Variants in PAWR observed in about 807,000 individuals in gnomAD.
PAWR encodes the protein PRKC apoptosis WT1 regulator protein.
PAWR carries 23 observed loss-of-function variants against 32.0 expected under a neutral mutation model. The ratio of observed to expected loss-of-function variants is 0.72; its 90% CI spans 0.52 to 1.02. The LOEUF (loss-of-function observed/expected upper bound fraction) is 1.02, where lower values mean the gene tolerates loss of function less well. Among genes scored for constraint, PAWR ranks in the 50% least tolerant of loss-of-function variants. The pLI is 0.00. For missense variants in PAWR, 457 were observed against 437.7 expected (o/e 1.04, Z -0.39); for synonymous variants, 226 against 187.1 (o/e 1.21, Z -1.70).
rs1875706977 is a variant in PAWR, at chr12:79,632,330, TA to T, written c.517-11124del. On this transcript the variant is annotated intron_variant, in intron 2 of 6. Coordinates refer to ENST00000328827, the MANE Select transcript of PAWR (RefSeq NM_002583.4). The stretch of plus-strand genomic sequence containing the variant: ...ATACATACATATATATATATATATA[TA>T]TATATATATATATATATATATATAT... Among the ~76,000 whole-genome samples, 11 of 46,504 alleles carry T rather than the reference TA, an allele frequency of 2.4e-4. 1 individual carries two copies. Among genetic ancestry groups the T allele is most frequent in the Admixed American group, 1.7e-3 (7 of 4,162 alleles). The allele number at this position is 46,504 out of a possible 152,430, so 30.5% of individuals were successfully genotyped here. A position where few individuals can be genotyped will look rare whatever the true frequency, so the allele number is the denominator to read the frequency against.
chr12:79,592,671 T>A lies in PAWR; in HGVS notation c.959A>T (p.Glu320Val), dbSNP rs1424259739. The A allele has an allele frequency of 1.3e-6, 1 of 765,392 alleles. No individual in the cohort carries two copies. The highest frequency in any genetic ancestry group is 2.4e-6 in the Non-Finnish European group (1 of 414,946). 47.4% of individuals were successfully genotyped at this position (765,392 alleles called of 1,614,324 possible). ...ATTTTCCTGCTTTAGCTGTTCATTTTCATCTTCTATGTCATCTAGGTCCTT... is the reference window on the plus strand; with the variant it reads ...ATTTTCCTGCTTTAGCTGTTCATTTACATCTTCTATGTCATCTAGGTCCTT... ...LNRDLDDIED[E>V]NEQLKQENKT... is the part of the protein sequence containing the mutation. Residue 320 changes from glutamate to valine, a missense_variant, in exon 7 of 7, where the codon GAA (glutamate) becomes GTA (valine). Coordinates refer to ENST00000328827, the MANE Select transcript of PAWR (RefSeq NM_002583.4).
chr12:79,596,322 T>C (rs1402418173), intron 5 of PAWR, among the ~76,000 whole-genome samples, 189 bp downstream of exon 5: 1 of 152,194 alleles, frequency 6.6e-6, no homozygotes, highest in Non-Finnish European at 1.5e-5. Flanking sequence ...GTAGTATATA[T>C]TTGCCAGCTC....
intron 2 of PAWR, among the ~76,000 whole-genome samples, chr12:79,683,734 G>A (rs2136888630): frequency 6.6e-6 from 1 of 151,846 alleles, no homozygotes; most frequent in Non-Finnish European, 1.5e-5. Context: ...AAATTGTTAG[G>A]TTTTTGCAAA....
intron 5 of PAWR, among the ~76,000 whole-genome samples, chr12:79,596,090 T>C (rs966995438): frequency 5.9e-5 from 9 of 152,260 alleles, no homozygotes; most frequent in Non-Finnish European, 1.0e-4. Context: ...TTCAACACCA[T>C]TGCTAATTTT....
At chr12:79,613,980 T>TATATATATATATATATATATATA (rs1874600875) in intron 3 of PAWR, among the ~76,000 whole-genome samples, 1 of 2,986 alleles carries the variant, frequency 3.3e-4, no homozygotes. Flanking sequence ...TATATATATA[T>TATATATATATATATATATATATA]TTTTTTTTTT....
intron 2 of PAWR, among the ~76,000 whole-genome samples, chr12:79,650,436 T>C (rs1387225897): frequency 6.6e-6 from 1 of 152,218 alleles, no homozygotes; most frequent in Non-Finnish European, 1.5e-5. Context: ...ATCTGTATAT[T>C]GCCAAAGGAC....
At chr12:79,644,089 G>A (rs917383005) in intron 2 of PAWR, among the ~76,000 whole-genome samples, 1 of 152,126 alleles carries the variant, frequency 6.6e-6, no homozygotes, top group African/African-American at 2.4e-5. Context: ...CAGTACAAAT[G>A]TGCTTATTAT....
chr12:79,655,410 T>A (rs191346099), intron 2 of PAWR, among the ~76,000 whole-genome samples: 1 of 152,314 alleles, frequency 6.6e-6, no homozygotes, highest in East Asian at 1.9e-4. Flanking sequence ...AGAGAGGACT[T>A]CAAACTAAAA....
chr12:79,690,454 T>A, intron 1 of PAWR, 63 bp from the exon 2 acceptor site: 1 of 1,083,386 alleles, frequency 9.2e-7, no homozygotes, highest in Non-Finnish European at 1.2e-6. Context: ...GACCCAAGGG[T>A]CTGCCCCCGG....
At chr12:79,690,474 C>T (rs974437839) in intron 1 of PAWR, 83 bp from the exon 2 acceptor site, 2 of 852,574 alleles carry the variant, frequency 2.3e-6, no homozygotes, top group East Asian at 3.5e-5. Flanking sequence ...GGCTGCGCCC[C>T]TTGGAGTCCT....
chr12:79,676,009 T>C (rs568229267), intron 2 of PAWR, among the ~76,000 whole-genome samples: 34 of 151,886 alleles, frequency 2.2e-4, no homozygotes, highest in Non-Finnish European at 4.9e-4. Context: ...CTGATCGCAT[T>C]ATGAAGTTGG....
intron 2 of PAWR, among the ~76,000 whole-genome samples, chr12:79,684,633 A>T (rs1202298753): frequency 1.3e-5 from 2 of 152,120 alleles, no homozygotes. Flanking sequence ...AAAAAGAAAG[A>T]AAGAAAAAAA....
intron 2 of PAWR, among the ~76,000 whole-genome samples, chr12:79,649,563 G>A (rs1362357787): frequency 6.6e-6 from 1 of 152,136 alleles, no homozygotes; most frequent in Non-Finnish European, 1.5e-5. Flanking sequence ...CACGCAGAAG[G>A]ATTGCTTGAA....
chr12:79,597,702 C>G (rs889582629), intron 4 of PAWR: 1 of 152,142 alleles, frequency 6.6e-6, no homozygotes, highest in African/African-American at 2.4e-5. Flanking sequence ...TCCTTAAACA[C>G]CAGTTCATAC....
chr12:79,588,082 A>G lies in PAWR; in HGVS notation c.*4525T>C, dbSNP rs942146471. On this transcript the variant is annotated 3_prime_UTR_variant, in exon 7 of 7. Coordinates refer to ENST00000328827, the MANE Select transcript of PAWR (RefSeq NM_002583.4). ...AAACATAAGAATAAAAACCCTGAAT[A>G]GCATAGCCAAATCTTCCAAGAAATA... 2.6e-5 allele frequency: 4 copies of G among 152,010 alleles called. No individual in the cohort carries two copies. The highest frequency in any genetic ancestry group is 1.9e-4 in the East Asian group (1 of 5,202). 9.4% of individuals were successfully genotyped at this position (152,010 alleles called of 1,614,324 possible).
Position 79,587,420 on chromosome 12 carries a change from C to T in PAWR, c.*5187G>A, listed in dbSNP as rs750115270. On this transcript the variant is annotated 3_prime_UTR_variant, in exon 7 of 7. Coordinates refer to ENST00000328827, the MANE Select transcript of PAWR (RefSeq NM_002583.4). ...TTCCTAGGCCCCTACTTATCTTTTA[C>T]AAACTTTGAAGGACCTGAAATTCTT... The T allele has an allele frequency of 6.6e-6, 1 of 152,034 alleles. No homozygotes were observed. The highest frequency in any genetic ancestry group is 1.5e-5 in the Non-Finnish European group (1 of 67,898). The allele number at this position is 152,034 out of a possible 1,614,324, so 9.4% of individuals were successfully genotyped here.
At chr12:79,638,870 AT>A (rs1876111170) in intron 2 of PAWR, among the ~76,000 whole-genome samples, 1 of 3,984 alleles carries the variant, frequency 2.5e-4, no homozygotes, top group South Asian at 5.7e-3. Flanking sequence ...AGTCATATAT[AT>A]ATATATATAT....
At chr12:79,604,646 G>T (rs1193823834) in intron 4 of PAWR, 2 of 1,287,236 alleles carry the variant, frequency 1.6e-6, no homozygotes, top group Admixed American at 4.6e-5. Context: ...ATCTTTCACT[G>T]CCCCATTCTC....
At chr12:79,606,504 C>T (rs1874188633) in intron 4 of PAWR, among the ~76,000 whole-genome samples, 1 of 152,036 alleles carries the variant, frequency 6.6e-6, no homozygotes, top group Non-Finnish European at 1.5e-5. Flanking sequence ...CTTCATAATT[C>T]AGAACAAGTT....
Sources: gnomAD v4.1 joint callset for allele counts (sites outside exome capture counted in the v4.1 genomes callset) on GRCh38, gnomAD v4.1.1 for gene constraint, MANE v1.5 for transcripts, NCBI Gene and HGNC (gene_info 2026-07-23, HGNC 2026-07-21) for gene names.